ZDHHC7: variants seen among roughly 807,000 people sequenced by gnomAD.
ZDHHC7 encodes zDHHC palmitoyltransferase 7.
In ZDHHC7, 12 loss-of-function variants were observed where a neutral mutation model predicts 34.1. That is an observed-to-expected ratio of 0.35 (90% CI 0.23 to 0.57). The LOEUF is 0.57. Ranked by LOEUF, ZDHHC7 falls within the 20% of genes least tolerant of loss-of-function variation. ZDHHC7 has a pLI of 0.84. For missense variants in ZDHHC7, 388 were observed against 402.7 expected, an observed-to-expected ratio of 0.96 and a Z score of 0.31; for synonymous variants, 185 against 155.4, an observed-to-expected ratio of 1.19 and a Z score of -1.42.
At chr16:85,004,677 CCCGGGTT>C (rs139312219) in intron 1 of ZDHHC7, among the ~76,000 whole-genome samples, 1,866 of 149,334 alleles carry the variant, frequency 0.012, 14 homozygotes, top group Non-Finnish European at 0.018. Context: ...CCCCAGCACT[CCCGGGTT>C]CACCACGCAC....
the ZDHHC7 span, among the ~76,000 whole-genome samples, chr16:85,027,286 C>A: frequency 4.6e-5 from 7 of 152,010 alleles, no homozygotes; most frequent in African/African-American, 1.7e-4. Context: ...TTTTTTTTAG[C>A]TCCTGCTCAA....
intron 7 of ZDHHC7, 46 bp from the exon 8 acceptor site, chr16:84,976,565 G>A (rs373661168): frequency 5.3e-5 from 84 of 1,593,822 alleles, no homozygotes; most frequent in African/African-American, 4.2e-4. Flanking sequence ...CAGGAAGCTC[G>A]GCAGACCCCA....
At chr16:84,994,609 G>A (rs1030338429) in intron 2 of ZDHHC7, among the ~76,000 whole-genome samples, 29 of 152,192 alleles carry the variant, frequency 1.9e-4, no homozygotes, top group African/African-American at 5.3e-4. Context: ...AGACCTCCAC[G>A]GAGTGCAGGA....
upstream of ZDHHC7, among the ~76,000 whole-genome samples, chr16:85,013,794 TC>T (rs2072823024): frequency 6.6e-6 from 1 of 152,112 alleles, no homozygotes; most frequent in African/African-American, 2.4e-5. Flanking sequence ...TTCAAGCAAT[TC>T]TCCTGCCTCA....
the ZDHHC7 span, among the ~76,000 whole-genome samples, chr16:85,018,743 C>T: frequency 6.6e-6 from 1 of 152,072 alleles, no homozygotes; most frequent in Admixed American, 6.6e-5. Context: ...AGCCACTGCG[C>T]CCAGCTGGTG....
Position 84,977,931 on chromosome 16 carries a change from C to G in ZDHHC7, c.612G>C (p.Gln204His). ...CATAGCCAGGGAACTTACCAGTCCACTGCCCTCGGACACAGGAGATGAACT... is the reference window on the plus strand; with the variant it reads ...CATAGCCAGGGAACTTACCAGTCCAGTGCCCTCGGACACAGGAGATGAACT... ...GFQFISCVRG[Q>H]WTECSDFSPP... is the part of the protein sequence containing the mutation. Residue 204 changes from glutamine to histidine, a missense_variant, in exon 6 of 8, where the codon CAG becomes CAC. Gln to His is a conservative substitution (Grantham distance 24, BLOSUM62 0). Transcript: ENST00000313732. 1 of 1,613,732 alleles carries G rather than the reference C, an allele frequency of 6.2e-7. No homozygotes were observed. Among genetic ancestry groups the G allele is most frequent in the Non-Finnish European group, 8.5e-7 (1 of 1,179,656 alleles).
At chr16:84,976,960 C>G in intron 7 of ZDHHC7, 135 bp downstream of exon 7, 1 of 1,284,200 alleles carries the variant, frequency 7.8e-7, no homozygotes, top group Non-Finnish European at 1.1e-6. Flanking sequence ...ACACAGGGAG[C>G]TGGTTGCAGC....
intron 3 of ZDHHC7, among the ~76,000 whole-genome samples, chr16:84,984,190 T>C (rs1015155274): frequency 2.6e-5 from 4 of 151,858 alleles, no homozygotes; most frequent in Non-Finnish European, 4.4e-5. Flanking sequence ...CGGCTAATTT[T>C]TCGTATTTTT....
chr16:84,998,251 G>A (rs1420002121), intron 1 of ZDHHC7, among the ~76,000 whole-genome samples: 6 of 143,304 alleles, frequency 4.2e-5, no homozygotes, highest in South Asian at 2.3e-4. Flanking sequence ...GTGACAGAGC[G>A]AGACTGTCTC....
chr16:85,013,864 T>G (rs534891863), upstream of ZDHHC7, among the ~76,000 whole-genome samples: 264 of 151,970 alleles, frequency 1.7e-3, 2 homozygotes, highest in Middle Eastern at 3.4e-3. Flanking sequence ...ATTTTTGTAT[T>G]TTTAGTAGAG....
At chr16:84,997,895 T>TAAAA (rs751166134) in intron 1 of ZDHHC7, among the ~76,000 whole-genome samples, 2 of 64,428 alleles carry the variant, frequency 3.1e-5, no homozygotes, top group African/African-American at 6.1e-5. Flanking sequence ...AGACTCCGTC[T>TAAAA]AAAAAAAAAA....
At chr16:85,023,137 T>C in the ZDHHC7 span, among the ~76,000 whole-genome samples, 15 of 152,050 alleles carry the variant, frequency 9.9e-5, no homozygotes, top group African/African-American at 3.1e-4. Context: ...AACTGTAAGA[T>C]AATATATTAT....
At chr16:84,998,070 C>CTACT (rs2072605186) in intron 1 of ZDHHC7, among the ~76,000 whole-genome samples, 1 of 148,790 alleles carries the variant, frequency 6.7e-6, no homozygotes, top group Admixed American at 6.7e-5. Flanking sequence ...ACCAACCTAG[C>CTACT]TACTAACACG....
chr16:85,026,307 G>A, the ZDHHC7 span, among the ~76,000 whole-genome samples: 4 of 152,042 alleles, frequency 2.6e-5, no homozygotes, highest in African/African-American at 4.8e-5. Context: ...CTGGACTCAC[G>A]GCAGAACCTG....
rs1254034385 is a variant in ZDHHC7 at position 84,990,571 on chromosome 16, G to A, written c.48C>T (p.Leu16=). ...HRLRDVEHHP[L]LAENDNYDSS... ...AGTCATAGTTGTCATTTTCAGCCAG[G>A]AGAGGATGATGCTCGACGTCCCGGA... The change falls in exon 3 of 8, where the codon CTC becomes CTT. Residue 16 remains leucine, a synonymous_variant. Transcript: ENST00000313732. The A allele has an allele frequency of 6.2e-7, 1 of 1,613,998 alleles. No individual in the cohort carries two copies. The highest frequency in any genetic ancestry group is 1.7e-5 in the Admixed American group (1 of 59,994).
intron 1 of ZDHHC7, among the ~76,000 whole-genome samples, chr16:84,996,717 C>G (rs1055389067): frequency 6.6e-6 from 1 of 152,066 alleles, no homozygotes; most frequent in Non-Finnish European, 1.5e-5. Flanking sequence ...AAGTGCTTGT[C>G]GTAGCTCCAT....
chr16:84,993,072 T>G (rs1287762664), intron 2 of ZDHHC7, among the ~76,000 whole-genome samples: 4 of 152,138 alleles, frequency 2.6e-5, no homozygotes, highest in African/African-American at 9.7e-5. Flanking sequence ...GTGGCTCAAG[T>G]CAGCACTTGG....
chr16:84,978,601 G>A (rs559630634), intron 5 of ZDHHC7, among the ~76,000 whole-genome samples: 1 of 151,934 alleles, frequency 6.6e-6, no homozygotes, highest in Non-Finnish European at 1.5e-5. Flanking sequence ...GGTGGCTCAC[G>A]ACTGTAATCC....
intron 3 of ZDHHC7, among the ~76,000 whole-genome samples, chr16:84,986,575 C>G (rs1246711441): frequency 2.0e-5 from 3 of 152,210 alleles, no homozygotes; most frequent in Admixed American, 2.0e-4. Flanking sequence ...TCCCTCCCAG[C>G]CCTCTCACGA....
Sources: allele counts gnomAD v4.1 joint callset (sites outside exome capture counted in the v4.1 genomes callset), GRCh38; gene constraint gnomAD v4.1.1; transcripts MANE v1.5; gene names NCBI Gene and HGNC (gene_info 2026-07-23, HGNC 2026-07-21).